Variants in NPHP4 observed in about 807,000 individuals in gnomAD.
NPHP4 encodes the protein nephrocystin 4.
In NPHP4, 151 loss-of-function variants were observed where a neutral mutation model predicts 155.8. The ratio of observed to expected loss-of-function variants is 0.97; its 90% CI spans 0.85 to 1.11. The LOEUF is 1.11. Among genes scored for constraint, NPHP4 ranks in the 50% least tolerant of loss-of-function variants. The pLI, the probability that NPHP4 is intolerant of heterozygous loss-of-function variation, is 0.00. For missense variants in NPHP4, 1,956 were observed against 1,925.7 expected (o/e 1.02, Z -0.29); for synonymous variants, 845 against 816.8 (o/e 1.03, Z -0.59).
chr1:5,985,151 T>C (rs1655280913), intron 2 of NPHP4, among the ~76,000 whole-genome samples: 1 of 152,188 alleles, frequency 6.6e-6, no homozygotes, highest in Non-Finnish European at 1.5e-5. Flanking sequence ...TTAATAATAG[T>C]AAATTAGTCA....
intron 5 of NPHP4, among the ~76,000 whole-genome samples, chr1:5,966,946 G>A (rs1651627252): frequency 1.3e-5 from 2 of 152,260 alleles, no homozygotes; most frequent in Non-Finnish European, 2.9e-5. Context: ...TTGCCATGCT[G>A]GAGATAACCG....
At position 5,897,542 on chromosome 1, in the gene NPHP4, G is replaced by A. The variant is rs566408008; in HGVS notation, c.2144-6514C>T. 1.3e-4 allele frequency among the ~76,000 whole-genome samples: 20 copies of A among 152,252 alleles called. No individual in the cohort carries two copies. The South Asian group carries it at 2.3e-3, about 17-fold the overall frequency. On this transcript the variant is annotated intron_variant, in intron 16 of 29. Coordinates refer to ENST00000378156, the MANE Select transcript of NPHP4 (RefSeq NM_015102.5). ...GTCGCTCCCGGCATTCAAGAACTACGGGGGATAAAGCAACAAGTTCAACAA... is the reference window on the plus strand; with the variant it reads ...GTCGCTCCCGGCATTCAAGAACTACAGGGGATAAAGCAACAAGTTCAACAA...
rs1204128746 is a variant in NPHP4, at chr1:5,933,137, A to G, written c.1302+10T>C. The G allele has an allele frequency of 1.3e-6, 2 of 1,525,606 alleles. No individual in the cohort carries two copies. Among genetic ancestry groups the G allele is most frequent in the African/African-American group, 2.8e-5 (2 of 72,364 alleles). 94.5% of individuals were successfully genotyped at this position (1,525,606 alleles called of 1,614,324 possible). On this transcript the variant is annotated intron_variant, in intron 10 of 29. Coordinates refer to ENST00000378156, the MANE Select transcript of NPHP4 (RefSeq NM_015102.5). ...CACCGGAGATGCATAAGAAATACCTAATAATTTACCTCTTCAGAGCTCATG... is the reference window on the plus strand; with the variant it reads ...CACCGGAGATGCATAAGAAATACCTGATAATTTACCTCTTCAGAGCTCATG...
intron 16 of NPHP4, among the ~76,000 whole-genome samples, chr1:5,894,387 T>C (rs1308993385): frequency 1.3e-5 from 2 of 151,790 alleles, no homozygotes; most frequent in Non-Finnish European, 2.9e-5. Flanking sequence ...GAGGTGCAGG[T>C]TGAAGTAAGC....
chr1:5,982,505 G>A (rs1445226765), intron 2 of NPHP4, among the ~76,000 whole-genome samples: 2 of 152,192 alleles, frequency 1.3e-5, no homozygotes, highest in Non-Finnish European at 2.9e-5. Context: ...CTCAGAATGT[G>A]TCGGCACTGT....
At chr1:5,881,185 T>C (rs1643250634) in intron 18 of NPHP4, 1 of 152,282 alleles carries the variant, frequency 6.6e-6, no homozygotes, top group South Asian at 2.1e-4. Flanking sequence ...ATCCACCTGC[T>C]GCGCCAGGTT....
chr1:5,964,939 A>ATTTTTTTTTTTTTTT (rs1232148646), intron 5 of NPHP4, among the ~76,000 whole-genome samples: 10 of 62,702 alleles, frequency 1.6e-4, no homozygotes, highest in East Asian at 3.7e-4. Context: ...ATATATATAT[A>ATTTTTTTTTTTTTTT]TATTTTTTTT....
chr1:5,883,913 C>T (rs781651194), intron 18 of NPHP4, among the ~76,000 whole-genome samples: 1 of 152,128 alleles, frequency 6.6e-6, no homozygotes, highest in African/African-American at 2.4e-5. Flanking sequence ...AGCTCAGACT[C>T]GAAGGACACC....
chr1:5,982,918 C>T (rs1231497306), intron 2 of NPHP4, among the ~76,000 whole-genome samples: 4 of 152,176 alleles, frequency 2.6e-5, no homozygotes, highest in Admixed American at 2.6e-4. Context: ...CTTATTGGGA[C>T]ATTTTAATGG....
intron 12 of NPHP4, among the ~76,000 whole-genome samples, chr1:5,907,797 G>A (rs1466307932): frequency 6.6e-6 from 1 of 152,212 alleles, no homozygotes; most frequent in East Asian, 1.9e-4. Flanking sequence ...TGTAAAATGG[G>A]GGTAATAATA....
Position 5,902,846 on chromosome 1 carries a change from A to C in NPHP4, c.2143+1771T>G, listed in dbSNP as rs561324160. 2.6e-5 allele frequency among the ~76,000 whole-genome samples: 4 copies of C among 152,350 alleles called. No homozygotes were observed. The South Asian group carries it at 8.3e-4, about 32-fold the overall frequency. ...TGAGGTCTTCATTGACTCATGGAAT[A>C]ATTAGAAGCACATTTTAAAATTAAA... On this transcript the variant is annotated intron_variant, in intron 16 of 29. Coordinates refer to ENST00000378156, the MANE Select transcript of NPHP4 (RefSeq NM_015102.5).
At chr1:5,960,973 A>G (rs1030284932) in intron 6 of NPHP4, among the ~76,000 whole-genome samples, 11 of 152,238 alleles carry the variant, frequency 7.2e-5, no homozygotes, top group Non-Finnish European at 1.0e-4. Flanking sequence ...TCAGCAGAAC[A>G]TGGTCCATCC....
rs868163 is a variant in NPHP4, at chr1:5,874,430, A to G, written c.3231+41T>C. ...GAAGCATTCTCAATTTCCCACCGTC[A>G]TCAGCCAAATGCAACTTCCCTGTGT... On this transcript the variant is annotated intron_variant, in intron 22 of 29. Coordinates refer to ENST00000378156, the MANE Select transcript of NPHP4 (RefSeq NM_015102.5). 0.63 allele frequency: 931,261 copies of G among 1,468,040 alleles called. 299,087 individuals are homozygous for G. Among genetic ancestry groups the G allele is most frequent in the African/African-American group, 0.71 (49,970 of 70,340 alleles). The allele number at this position is 1,468,040 out of a possible 1,614,324, so 90.9% of individuals were successfully genotyped here.
chr1:5,986,071 G>T, intron 2 of NPHP4, 84 bp downstream of exon 2: 1 of 1,481,732 alleles, frequency 6.7e-7, no homozygotes, highest in Non-Finnish European at 9.4e-7. Flanking sequence ...AGCATCGTAA[G>T]CCAGGGACCA....
At chr1:5,957,093 AC>A (rs1473587282) in intron 6 of NPHP4, among the ~76,000 whole-genome samples, 1 of 152,004 alleles carries the variant, frequency 6.6e-6, no homozygotes, top group Non-Finnish European at 1.5e-5. Context: ...GGCAGAAGTG[AC>A]CCCCACTGCA....
intron 23 of NPHP4, among the ~76,000 whole-genome samples, chr1:5,869,138 A>G (rs1002695143): frequency 6.9e-6 from 1 of 145,870 alleles, no homozygotes; most frequent in Non-Finnish European, 1.5e-5. Flanking sequence ...ATGCACACAT[A>G]TCCGCCCACA....
rs55734317 is a variant in NPHP4, at chr1:5,964,941, A to ATTTTTTTTTTTTTT, written c.517+2357_517+2358insAAAAAAAAAAAAAA. 6.6e-4 allele frequency among the ~76,000 whole-genome samples: 39 copies of ATTTTTTTTTTTTTT among 59,408 alleles called. 1 individual carries two copies. Among genetic ancestry groups the ATTTTTTTTTTTTTT allele is most frequent in the African/African-American group, 1.7e-3 (20 of 11,790 alleles). The allele number at this position is 59,408 out of a possible 152,430, so 39.0% of individuals were successfully genotyped here. A position where few individuals can be genotyped will look rare whatever the true frequency, so the allele number is the denominator to read the frequency against. ...ATTATATATATATATATATATATAT[A>ATTTTTTTTTTTTTT]TTTTTTTTTTTTGAGGCAGGGTCTC... On this transcript the variant is annotated intron_variant, in intron 5 of 29. Transcript: ENST00000378156.
In NPHP4 at chr1:5,944,038, A is replaced by T. The variant is rs183627933; in HGVS notation, c.1119+3066T>A. Among the ~76,000 whole-genome samples the T allele has an allele frequency of 0.022, 3,333 of 150,534 alleles. 66 individuals are homozygous for T. The highest frequency in any genetic ancestry group is 0.044 in the Middle Eastern group (13 of 294). ...AATTTCCCAAAATAAAAAAGTTTTT[A>T]AAAAAAAAAGAAATGTTCATGCCAA... On this transcript the variant is annotated intron_variant, in intron 9 of 29. Transcript: ENST00000378156. This position sits in a 1 kb window ranked among gnomAD's most constrained non-coding sequence, Gnocchi z 4.3.
chr1:5,988,252 A>G (rs1299039152), intron 1 of NPHP4, among the ~76,000 whole-genome samples: 1 of 152,232 alleles, frequency 6.6e-6, no homozygotes, highest in Non-Finnish European at 1.5e-5. Context: ...TGCAGCAGCA[A>G]AGAATATCCA....
Sources: gnomAD v4.1 joint callset for allele counts (sites outside exome capture counted in the v4.1 genomes callset) on GRCh38, gnomAD v4.1.1 for gene constraint, Gnocchi (gnomAD v3.1) non-coding constraint, MANE v1.5 for transcripts, NCBI Gene and HGNC (gene_info 2026-07-23, HGNC 2026-07-21) for gene names.